The following PDSS1 variants were observed in gnomAD, a reference collection of about 807,000 sequenced individuals.
PDSS1 encodes the protein all trans-polyprenyl-diphosphate synthase PDSS1.
Under a neutral mutation model 57.5 loss-of-function variants are expected in PDSS1, and 43 were observed. That is an observed-to-expected ratio of 0.75 (90% CI 0.59 to 0.96). PDSS1 has a LOEUF of 0.96. Ranked by LOEUF, PDSS1 falls within the 50% of genes least tolerant of loss-of-function variation. PDSS1 has a pLI of 0.00. For missense variants in PDSS1, 438 were observed against 527.8 expected (o/e 0.83, Z 1.67); for synonymous variants, 175 against 191.3 (o/e 0.91, Z 0.70).
chr10:26,728,090 T>TC, intron 8 of PDSS1, among the ~76,000 whole-genome samples: 1 of 152,288 alleles, frequency 6.6e-6, no homozygotes, highest in East Asian at 1.9e-4. Flanking sequence ...GCACAGTGGC[T>TC]CACGCCTGTA....
At chr10:26,741,560 C>G (rs188061220) in intron 10 of PDSS1, among the ~76,000 whole-genome samples, 2 of 152,278 alleles carry the variant, frequency 1.3e-5, no homozygotes, top group East Asian at 3.9e-4. Context: ...ATGTCATGCA[C>G]CGCTGCTCAG....
intron 5 of PDSS1, chr10:26,718,054 T>TG (rs140874616): frequency 0.23 from 34,807 of 151,300 alleles, 4,081 homozygotes; most frequent in South Asian, 0.27. Flanking sequence ...TTTGGTTTTT[T>TG]TGTGTTTTTT....
At position 26,697,863 on chromosome 10, in the gene PDSS1, C is replaced by T. The variant is rs1161076738; in HGVS notation, c.129+23C>T. ...CAGGTGAGGTTGGGAGGCGCGCGCC[C>T]GGCGGGGCTCAGAGGTCACGGCTCC... On this transcript the variant is annotated intron_variant, in intron 1 of 11. Coordinates refer to ENST00000376215, the MANE Select transcript of PDSS1 (RefSeq NM_014317.5). 18 of 1,290,430 alleles carry T rather than the reference C, an allele frequency of 1.4e-5. No individual in the cohort carries two copies. In the East Asian group the frequency reaches 2.6e-4, roughly 19 times the overall value. The allele number at this position is 1,290,430 out of a possible 1,614,324, so 79.9% of individuals were successfully genotyped here. A position where few individuals can be genotyped will look rare whatever the true frequency, so the allele number is the denominator to read the frequency against.
At chr10:26,729,381 T>A (rs1186037226) in intron 8 of PDSS1, among the ~76,000 whole-genome samples, 1 of 152,230 alleles carries the variant, frequency 6.6e-6, no homozygotes, top group African/African-American at 2.4e-5. Context: ...TGTAGGTAGA[T>A]ACGTGTATAT....
chr10:26,732,783 C>G (rs1347591557), intron 8 of PDSS1, among the ~76,000 whole-genome samples: 1 of 152,184 alleles, frequency 6.6e-6, no homozygotes, highest in African/African-American at 2.4e-5. Flanking sequence ...ACAAAGTGTT[C>G]ATCATATGTG....
rs561972135 is a variant in PDSS1 at position 26,726,681 on chromosome 10, CCCTT to C, written c.831+2563_831+2566del. On this transcript the variant is annotated intron_variant, in intron 8 of 11. Coordinates refer to ENST00000376215, the MANE Select transcript of PDSS1 (RefSeq NM_014317.5). ...TACTAAGGATACCATTTCTTCATCTCCCTTCCTTTTTTTAGTGAAAATAATATTA... is the reference window on the plus strand; with the variant it reads ...TACTAAGGATACCATTTCTTCATCTCCCTTTTTTTAGTGAAAATAATATTA... 1.1e-4 allele frequency among the ~76,000 whole-genome samples: 17 copies of C among 152,252 alleles called. No homozygotes were observed. The South Asian group carries it at 2.7e-3, about 24-fold the overall frequency.
intron 11 of PDSS1, 107 bp from the exon 12 acceptor site, chr10:26,746,226 C>T (rs1386856995): frequency 1.8e-6 from 2 of 1,106,116 alleles, no homozygotes; most frequent in African/African-American, 1.5e-5. Flanking sequence ...CTGTAATCCT[C>T]AGCTCATCTG....
At chr10:26,700,798 A>G (rs1288909226) in intron 1 of PDSS1, among the ~76,000 whole-genome samples, 5 of 152,150 alleles carry the variant, frequency 3.3e-5, no homozygotes, top group Admixed American at 3.3e-4. Context: ...TAATTTCTTT[A>G]TAGCAGTGTG....
rs1328819272 is a variant in PDSS1 at position 26,720,219 on chromosome 10, C to G, written c.469C>G (p.His157Asp). The stretch of plus-strand genomic sequence containing the variant: ...AAAGCATTGCTTTCTGTTAATTAGA[C>G]ATGTGCAAGCCAGCCAGCGCGCCAT... ...ACNIHHNNSR[H>D]VQASQRAIAL... The change falls in exon 6 of 12, where the codon CAT becomes GAT. Residue 157 changes from histidine to aspartate, a missense_variant and splice_region_variant. Physicochemically the swap from His to Asp is moderately conservative, Grantham distance 81. Around this residue, in one of 2 missense-constraint regions of PDSS1, gnomAD observed 284 missense variants for 390.7 expected, o/e 0.73. Coordinates refer to ENST00000376215, the MANE Select transcript of PDSS1 (RefSeq NM_014317.5). 1 of 1,612,620 alleles carries G rather than the reference C, an allele frequency of 6.2e-7. No individual in the cohort carries two copies. Among genetic ancestry groups the G allele is most frequent in the Non-Finnish European group, 8.5e-7 (1 of 1,179,966 alleles).
At chr10:26,701,883 A>C (rs1835061554) in intron 1 of PDSS1, 1 of 454,480 alleles carries the variant, frequency 2.2e-6, no homozygotes, top group Non-Finnish European at 4.4e-6. Context: ...AGCCCATGAG[A>C]ATAGCAGTGG....
At chr10:26,723,729 C>A in intron 6 of PDSS1, 77 bp from the exon 7 acceptor site, 1 of 979,212 alleles carries the variant, frequency 1.0e-6, no homozygotes, top group Non-Finnish European at 1.7e-6. Context: ...AAGCTCCCTT[C>A]CAGTCAGTTT....
At chr10:26,713,322 G>A (rs1297096006) in intron 5 of PDSS1, among the ~76,000 whole-genome samples, 2 of 152,028 alleles carry the variant, frequency 1.3e-5, no homozygotes, top group African/African-American at 4.8e-5. Flanking sequence ...AAACATGGGG[G>A]ATTTTTAAAA....
chr10:26,723,837 C>T lies in PDSS1; in HGVS notation c.641C>T (p.Ala214Val), dbSNP rs539544394. 13 of 1,612,868 alleles carry T rather than the reference C, an allele frequency of 8.1e-6. No individual in the cohort carries two copies. In the African/African-American group the frequency reaches 1.1e-4, roughly 13 times the overall value. Residue 214 changes from alanine to valine, a missense_variant, in exon 7 of 12, where the codon GCA (alanine) becomes GTA (valine). Ala to Val is a moderately conservative substitution (Grantham distance 64). Coordinates refer to ENST00000376215, the MANE Select transcript of PDSS1 (RefSeq NM_014317.5). ...CTTGCTGGAGATTTAATTCTTTCTGCAGCATCTATAGCTCTGGCACGAATT... is the reference window on the plus strand; with the variant it reads ...CTTGCTGGAGATTTAATTCTTTCTGTAGCATCTATAGCTCTGGCACGAATT... ...AVLAGDLILS[A>V]ASIALARIGN...
chr10:26,742,638 C>A, intron 11 of PDSS1, 61 bp downstream of exon 11: 1 of 951,248 alleles, frequency 1.1e-6, no homozygotes, highest in Admixed American at 1.8e-5. Context: ...ATCCTTTAAT[C>A]CAAAAATGTA....
intron 4 of PDSS1, among the ~76,000 whole-genome samples, chr10:26,706,820 T>C (rs1835237735): frequency 6.6e-6 from 1 of 152,154 alleles, no homozygotes; most frequent in Non-Finnish European, 1.5e-5. Context: ...AGCAGCAAAT[T>C]TGTACAGGTC....
chr10:26,727,669 C>CTT lies in PDSS1; in HGVS notation c.831+3555_831+3556dup, dbSNP rs56938903. 5.2e-3 allele frequency among the ~76,000 whole-genome samples: 760 copies of CTT among 147,040 alleles called. 8 individuals carry two copies. Among genetic ancestry groups the CTT allele is most frequent in the South Asian group, 0.028 (129 of 4,630 alleles). On this transcript the variant is annotated intron_variant, in intron 8 of 11. Transcript: ENST00000376215. ...CACCACCACATGCCACACCTGGCCT[C>CTT]TTTTTTTTTTACAATATTCATATCT...
chr10:26,737,957 A>G (rs994695023), intron 10 of PDSS1, among the ~76,000 whole-genome samples: 1 of 152,180 alleles, frequency 6.6e-6, no homozygotes, highest in African/African-American at 2.4e-5. Flanking sequence ...GAGTCCAAGC[A>G]GGAAGTGACT....
At chr10:26,729,059 C>T (rs924821892) in intron 8 of PDSS1, among the ~76,000 whole-genome samples, 1 of 151,994 alleles carries the variant, frequency 6.6e-6, no homozygotes, top group Admixed American at 6.6e-5. Flanking sequence ...GGATTATAGG[C>T]GTGAGTCACC....
Position 26,709,649 on chromosome 10 carries a change from A to G in PDSS1, c.348A>G (p.Ile116Met), listed in dbSNP as rs1835357512. 2 of 1,613,758 alleles carry G rather than the reference A, an allele frequency of 1.2e-6. No homozygotes were observed. The highest frequency in any genetic ancestry group is 1.3e-5 in the African/African-American group (1 of 74,896). ...AAACTTTATTTCAGGAACTGCTTAT[A>G]TCAACATCAGAACTTAAGGAAATGT... is the stretch of plus-strand genomic sequence containing the variant. ...LYEDIRKELL[I>M]STSELKEMSE... Residue 116 changes from isoleucine to methionine, a missense_variant, in exon 5 of 12, where the codon ATA (isoleucine) becomes ATG (methionine). Ile to Met is a conservative substitution (Grantham distance 10). This residue lies in a region of PDSS1 where 284 missense variants were observed against 390.7 expected (regional missense o/e 0.73). Coordinates refer to ENST00000376215, the MANE Select transcript of PDSS1 (RefSeq NM_014317.5).
Sources: gnomAD v4.1 joint callset for allele counts (sites outside exome capture counted in the v4.1 genomes callset) on GRCh38, gnomAD v4.1.1 for gene constraint, gnomAD v4.1.1 regional missense constraint, MANE v1.5 for transcripts, NCBI Gene and HGNC (gene_info 2026-07-23, HGNC 2026-07-21) for gene names.